ZNF474: variants seen among roughly 807,000 people sequenced by gnomAD.
The protein encoded by ZNF474 is zinc finger protein 474, also known as 4933409D10Rik.
For synonymous variants in ZNF474, 192 were observed against 162.2 expected, an observed-to-expected ratio of 1.18 and a Z score of -1.39; for missense variants, 511 against 433.8, an observed-to-expected ratio of 1.18 and a Z score of -1.58.
Position 122,151,928 on chromosome 5 carries a change from C to G in ZNF474, c.-63C>G. ...TAACCTCACTAACCTTCACTCTAAG[C>G]AGAAGCCCAAAGTGAGTCTGGCCTG... On this transcript the variant is annotated 5_prime_UTR_variant, in exon 2 of 2. Transcript: ENST00000296600. 3 of 1,543,156 alleles carry G rather than the reference C, an allele frequency of 1.9e-6. No individual in the cohort carries two copies. The African/African-American group carries it at 4.1e-5, about 21-fold the overall frequency.
At chr5:122,141,043 T>C (rs1490164657) in intron 1 of ZNF474, among the ~76,000 whole-genome samples, 2 of 152,120 alleles carry the variant, frequency 1.3e-5, no homozygotes, top group Non-Finnish European at 2.9e-5. Context: ...GGATTCCATA[T>C]AGGAAATGAC....
chr5:122,134,605 A>G (rs1333492446), intron 1 of ZNF474, among the ~76,000 whole-genome samples: 2 of 152,206 alleles, frequency 1.3e-5, no homozygotes, highest in Non-Finnish European at 2.9e-5. Context: ...TTTATTTACA[A>G]AAGAGCTGAA....
intron 1 of ZNF474, among the ~76,000 whole-genome samples, chr5:122,144,661 G>C (rs185179144): frequency 6.6e-6 from 1 of 152,318 alleles, no homozygotes; most frequent in African/African-American, 2.4e-5. Context: ...AGACATATTG[G>C]TATAGAGCTA....
intron 1 of ZNF474, among the ~76,000 whole-genome samples, chr5:122,149,568 A>G (rs1756108420): frequency 6.6e-6 from 1 of 152,236 alleles, no homozygotes; most frequent in Non-Finnish European, 1.5e-5. Flanking sequence ...AATAATGGAA[A>G]GAGCCACGTA....
chr5:122,145,295 G>C (rs1251637193), intron 1 of ZNF474, among the ~76,000 whole-genome samples: 4 of 152,100 alleles, frequency 2.6e-5, no homozygotes, highest in African/African-American at 7.2e-5. Context: ...CCTTTCAAAT[G>C]CTGCTCCTAT....
chr5:122,153,515 C>CA lies in ZNF474; in HGVS notation c.*435dup, dbSNP rs2152607634. On this transcript the variant is annotated 3_prime_UTR_variant, in exon 2 of 2. Transcript: ENST00000296600. ...TATCTTACTAAAATAGAATCTGTGT[C>CA]AAAAACCCCCAATGACTTTAGCAAC... 1 of 177,352 alleles carries CA rather than the reference C, an allele frequency of 5.6e-6. No homozygotes were observed. The highest frequency in any genetic ancestry group is 1.9e-4 in the South Asian group (1 of 5,314). 11.0% of individuals were successfully genotyped at this position (177,352 alleles called of 1,614,324 possible).
chr5:122,151,933 G>C lies in ZNF474; in HGVS notation c.-58G>C. On this transcript the variant is annotated 5_prime_UTR_variant, in exon 2 of 2. Transcript: ENST00000296600. ...TCACTAACCTTCACTCTAAGCAGAA[G>C]CCCAAAGTGAGTCTGGCCTGAAATC... 6.5e-7 allele frequency: 1 copy of C among 1,549,554 alleles called. No individual in the cohort carries two copies. Among genetic ancestry groups the C allele is most frequent in the African/African-American group, 1.4e-5 (1 of 72,806 alleles).
chr5:122,130,358 A>AG (rs1311232302), intron 1 of ZNF474, among the ~76,000 whole-genome samples: 1 of 152,160 alleles, frequency 6.6e-6, no homozygotes. Context: ...TTCCCTCCAC[A>AG]GGGGGCCACT....
At chr5:122,133,193 T>C (rs900080221) in intron 1 of ZNF474, among the ~76,000 whole-genome samples, 21 of 152,224 alleles carry the variant, frequency 1.4e-4, no homozygotes, top group African/African-American at 4.1e-4. Flanking sequence ...ATTTATTCAG[T>C]AATTTATTGG....
At position 122,153,511 on chromosome 5, in the gene ZNF474, G is replaced by C; in HGVS notation, c.*426G>C. Reference sequence around the variant, plus strand: ...AGTTTATCTTACTAAAATAGAATCTGTGTCAAAAACCCCCAATGACTTTAG... The same window carrying C: ...AGTTTATCTTACTAAAATAGAATCTCTGTCAAAAACCCCCAATGACTTTAG... On this transcript the variant is annotated 3_prime_UTR_variant, in exon 2 of 2. Transcript: ENST00000296600. The C allele has an allele frequency of 5.6e-6, 1 of 177,644 alleles. No homozygotes were observed. The allele number at this position is 177,644 out of a possible 1,614,324, so 11.0% of individuals were successfully genotyped here.
At chr5:122,148,157 A>G (rs1241414435) in intron 1 of ZNF474, 1 of 152,270 alleles carries the variant, frequency 6.6e-6, no homozygotes, top group Non-Finnish European at 1.5e-5. Context: ...TAACTTATAA[A>G]GGGAGAGCAA....
At chr5:122,136,428 C>T (rs1469122507) in intron 1 of ZNF474, among the ~76,000 whole-genome samples, 3 of 152,166 alleles carry the variant, frequency 2.0e-5, no homozygotes, top group African/African-American at 4.8e-5. Context: ...TGTGATTCTC[C>T]TTCAGCTTTC....
chr5:122,141,703 T>A (rs1755851345), intron 1 of ZNF474, among the ~76,000 whole-genome samples: 1 of 152,180 alleles, frequency 6.6e-6, no homozygotes, highest in Non-Finnish European at 1.5e-5. Context: ...CCTCCCAAAG[T>A]GCTGGGATTA....
At position 122,152,390 on chromosome 5, in the gene ZNF474, C is replaced by A; in HGVS notation, c.400C>A (p.Pro134Thr). The change falls in exon 2 of 2, where the codon CCA becomes ACA. Residue 134 changes from proline (P) to threonine (T), a missense_variant. Physicochemically the swap from Pro to Thr is conservative, Grantham distance 38. Transcript: ENST00000296600. ...CAAGTTGCCCAAGCATTTGAGGAGG[C>A]CAGAACCCTCCAAACCACAGTCTCT... ...NSKLPKHLRR[P>T]EPSKPQSLSS... 6.2e-7 allele frequency: 1 copy of A among 1,614,162 alleles called. No homozygotes were observed. Among genetic ancestry groups the A allele is most frequent in the Non-Finnish European group, 8.5e-7 (1 of 1,180,026 alleles).
intron 1 of ZNF474, among the ~76,000 whole-genome samples, chr5:122,142,399 C>A (rs1360460439): frequency 6.6e-6 from 1 of 152,130 alleles, no homozygotes; most frequent in African/African-American, 2.4e-5. Flanking sequence ...TAAAGGCAGA[C>A]AGAACAAGGC....
intron 1 of ZNF474, among the ~76,000 whole-genome samples, chr5:122,150,408 A>G (rs576526798): frequency 6.6e-6 from 1 of 152,312 alleles, no homozygotes; most frequent in South Asian, 2.1e-4. Context: ...TGTTGGCACC[A>G]AAGTACAGGA....
chr5:122,136,819 T>C (rs549039178), intron 1 of ZNF474, among the ~76,000 whole-genome samples: 1 of 152,208 alleles, frequency 6.6e-6, no homozygotes, highest in Non-Finnish European at 1.5e-5. Flanking sequence ...ATATAAATAA[T>C]GAACTTCAGT....
In ZNF474 at chr5:122,141,150, ATTTTAT is replaced by A. The variant is rs1561439556; in HGVS notation, c.-212-10625_-212-10620del. 3.1e-4 allele frequency among the ~76,000 whole-genome samples: 11 copies of A among 35,168 alleles called. 1 individual carries two copies. The South Asian group carries it at 0.013, about 41-fold the overall frequency. The allele number at this position is 35,168 out of a possible 152,430, so 23.1% of individuals were successfully genotyped here. Reference sequence around the variant, plus strand: ...ATTTTATTTTATTTTATTTTATTTTATTTTATTTTATTTTATTTTATTTTTGGAAAC... The same window carrying A: ...ATTTTATTTTATTTTATTTTATTTTATTTATTTTATTTTATTTTTGGAAAC... On this transcript the variant is annotated intron_variant, in intron 1 of 1. Coordinates refer to ENST00000296600, the MANE Select transcript of ZNF474 (RefSeq NM_207317.3).
Position 122,152,478 on chromosome 5 carries a change from C to T in ZNF474, c.488C>T (p.Ala163Val). The change falls in exon 2 of 2, where the codon GCT (alanine) becomes GTT (valine). Residue 163 changes from alanine to valine, a missense_variant. By Grantham distance (64) the Ala-to-Val change is moderately conservative (BLOSUM62 0). Coordinates refer to ENST00000296600, the MANE Select transcript of ZNF474 (RefSeq NM_207317.3). ...GAGGCTGCATTTCAGAGTGCCCAGG[C>T]TCAGCTGCTGCCCTGTGAATCCTGT... ...TNEAAFQSAQ[A>V]QLLPCESCGR... is the part of the protein sequence containing the mutation. The T allele has an allele frequency of 6.2e-7, 1 of 1,614,224 alleles. No individual in the cohort carries two copies. The highest frequency in any genetic ancestry group is 8.5e-7 in the Non-Finnish European group (1 of 1,180,040).
Sources: allele counts gnomAD v4.1 joint callset (sites outside exome capture counted in the v4.1 genomes callset), GRCh38; gene constraint gnomAD v4.1.1; transcripts MANE v1.5; gene names NCBI Gene and HGNC (gene_info 2026-07-23, HGNC 2026-07-21).